PHF21A: variants seen among roughly 807,000 people sequenced by gnomAD.
PHF21A encodes the protein BHC80a.
PHF21A carries 11 observed loss-of-function variants against 82.5 expected under a neutral mutation model. That is an observed-to-expected ratio of 0.13 (90% CI 0.08 to 0.22). PHF21A has a LOEUF of 0.22. PHF21A is among the 10% of genes least tolerant of loss of function. The pLI is 1.00. For missense variants in PHF21A, 579 were observed against 837.8 expected, an observed-to-expected ratio of 0.69 and a Z score of 3.81; for synonymous variants, 297 against 302.8, an observed-to-expected ratio of 0.98 and a Z score of 0.20.
chr11:45,943,008 C>T (rs961551718), intron 15 of PHF21A, among the ~76,000 whole-genome samples: 3 of 151,790 alleles, frequency 2.0e-5, no homozygotes, highest in African/African-American at 7.3e-5. Flanking sequence ...CTTGACCATT[C>T]TTTTTCTCAT....
At chr11:46,025,405 T>C (rs949855659) in intron 6 of PHF21A, among the ~76,000 whole-genome samples, 2 of 152,236 alleles carry the variant, frequency 1.3e-5, no homozygotes, top group Non-Finnish European at 2.9e-5. Context: ...AGATATCCCC[T>C]TTCTTCCTGC....
chr11:45,975,959 C>T (rs541277197), intron 7 of PHF21A, among the ~76,000 whole-genome samples: 3 of 152,002 alleles, frequency 2.0e-5, no homozygotes, highest in Non-Finnish European at 4.4e-5. Context: ...CGTCCTTGCC[C>T]TCATACATTA....
chr11:45,994,215 G>A (rs558308854), intron 6 of PHF21A, among the ~76,000 whole-genome samples: 31 of 152,300 alleles, frequency 2.0e-4, no homozygotes, highest in African/African-American at 7.5e-4. Context: ...TTTAGACTGG[G>A]TAAAGTGTTG....
At chr11:46,048,010 C>T (rs751448466) in intron 6 of PHF21A, among the ~76,000 whole-genome samples, 6 of 152,220 alleles carry the variant, frequency 3.9e-5, no homozygotes, top group Non-Finnish European at 5.9e-5. Flanking sequence ...ATATATCACA[C>T]AATTCATCCA....
rs143881073 is a variant in PHF21A, at chr11:45,969,853, G to T, written c.664C>A (p.Pro222Thr). The T allele has an allele frequency of 6.2e-7, 1 of 1,613,770 alleles. No individual in the cohort carries two copies. Among genetic ancestry groups the T allele is most frequent in the Non-Finnish European group, 8.5e-7 (1 of 1,179,836 alleles). ...TTTGGACGTGGAGTGAGTCTAGGAG[G>T]GGGGATAAACTGTGGTACTTTGATG... ...QPIKVPQFIP[P>T]PRLTPRPNFL... Residue 222 changes from proline (P) to threonine (T), a missense_variant, in exon 9 of 19, where the codon CCT (proline) becomes ACT (threonine). Transcript: ENST00000676320.
chr11:45,960,596 T>G (rs1171636157), intron 10 of PHF21A, among the ~76,000 whole-genome samples: 1 of 152,194 alleles, frequency 6.6e-6, no homozygotes, highest in Non-Finnish European at 1.5e-5. Flanking sequence ...ATGAAAATGT[T>G]GTGTAACTTA....
At chr11:45,990,055 A>G (rs2094629949) in intron 6 of PHF21A, among the ~76,000 whole-genome samples, 1 of 152,084 alleles carries the variant, frequency 6.6e-6, no homozygotes, top group Admixed American at 6.6e-5. Context: ...GAAGAAAAAC[A>G]TTTTTCACAG....
At chr11:46,011,775 C>T (rs190591725) in intron 6 of PHF21A, among the ~76,000 whole-genome samples, 12 of 152,262 alleles carry the variant, frequency 7.9e-5, no homozygotes, top group Admixed American at 2.6e-4. Flanking sequence ...GGGAATTTTA[C>T]GAGTTTTTAT....
chr11:46,084,680 A>AT (rs11321400), intron 3 of PHF21A, among the ~76,000 whole-genome samples: 54 of 132,304 alleles, frequency 4.1e-4, no homozygotes, highest in Non-Finnish European at 6.1e-4. Context: ...CAGAATCATA[A>AT]TTTTTTTTTT....
chr11:46,083,321 C>G (rs1294826105), intron 4 of PHF21A, among the ~76,000 whole-genome samples: 1 of 152,180 alleles, frequency 6.6e-6, no homozygotes, highest in Non-Finnish European at 1.5e-5. Flanking sequence ...AGTTCTCACC[C>G]ACACTAATTC....
chr11:46,017,555 T>C (rs1282559950), intron 6 of PHF21A, among the ~76,000 whole-genome samples: 1 of 151,498 alleles, frequency 6.6e-6, no homozygotes, highest in Non-Finnish European at 1.5e-5. Context: ...ATTTATAAGT[T>C]ACAGTTCAGG....
chr11:46,049,323 G>A, intron 6 of PHF21A: 1 of 410,406 alleles, frequency 2.4e-6, no homozygotes, highest in Admixed American at 2.9e-5. Context: ...CATAATTGCT[G>A]TATAAAAGTT....
chr11:46,096,869 C>T (rs955736250), intron 1 of PHF21A, among the ~76,000 whole-genome samples: 2 of 152,144 alleles, frequency 1.3e-5, no homozygotes, highest in Admixed American at 1.3e-4. Flanking sequence ...TCAAGCTCAA[C>T]ACATCCAAAA....
chr11:46,051,900 C>T (rs1442077331), intron 6 of PHF21A, among the ~76,000 whole-genome samples: 1 of 152,184 alleles, frequency 6.6e-6, no homozygotes, highest in African/African-American at 2.4e-5. Flanking sequence ...ATGGTTGGAA[C>T]AGTTAAAATA....
chr11:45,986,655 C>A (rs1303059173), intron 6 of PHF21A, among the ~76,000 whole-genome samples: 1 of 152,096 alleles, frequency 6.6e-6, no homozygotes, highest in Admixed American at 6.5e-5. Flanking sequence ...GCCCTCCTTC[C>A]TTCAGAAAAA....
intron 1 of PHF21A, among the ~76,000 whole-genome samples, chr11:46,095,632 A>C (rs1542724): frequency 0.2 from 31,106 of 152,022 alleles, 3,699 homozygotes; most frequent in Non-Finnish European, 0.27. Flanking sequence ...CCAGATTTCT[A>C]ATATGGTTAT....
chr11:46,089,580 G>T lies in PHF21A; in HGVS notation c.-84+875C>A, dbSNP rs567206877. Among the ~76,000 whole-genome samples, 479 of 151,858 alleles carry T rather than the reference G, an allele frequency of 3.2e-3. 2 individuals carry two copies. The highest frequency in any genetic ancestry group is 0.011 in the African/African-American group (458 of 41,412). On this transcript the variant is annotated intron_variant, in intron 3 of 18. Coordinates refer to ENST00000676320, the MANE Select transcript of PHF21A (RefSeq NM_001352027.3). ...AAAGAGCTTGGCAACCCTGATTTTC[G>T]AGGCGAACCCTCTGAATGTGGTAAG...
chr11:46,001,170 C>T (rs978816506), intron 6 of PHF21A, among the ~76,000 whole-genome samples: 10 of 151,718 alleles, frequency 6.6e-5, no homozygotes, highest in African/African-American at 2.4e-4. Flanking sequence ...GAAGCAGAAA[C>T]ATCACAGAAG....
intron 6 of PHF21A, among the ~76,000 whole-genome samples, chr11:46,066,754 T>C (rs1311274203): frequency 6.6e-6 from 1 of 152,058 alleles, no homozygotes; most frequent in Non-Finnish European, 1.5e-5. Context: ...CAAAAGCATA[T>C]ATAAAGTTAA....
Sources: gnomAD v4.1 joint callset for allele counts (sites outside exome capture counted in the v4.1 genomes callset) on GRCh38, gnomAD v4.1.1 for gene constraint, MANE v1.5 for transcripts, NCBI Gene and HGNC (gene_info 2026-07-23, HGNC 2026-07-21) for gene names.